The following PCSK2 variants were observed in gnomAD, a reference collection of about 807,000 sequenced individuals.
The protein encoded by PCSK2 is proprotein convertase subtilisin/kexin type 2.
In PCSK2, 14 loss-of-function variants were observed where a neutral mutation model predicts 69.7. That is an observed-to-expected ratio of 0.20 (90% CI 0.13 to 0.31). The LOEUF (loss-of-function observed/expected upper bound fraction) is 0.31. Among genes scored for constraint, PCSK2 ranks in the 10% least tolerant of loss-of-function variants. The probability of loss-of-function intolerance (pLI) is 1.00; values close to 1 mark genes in which losing one functional copy is unlikely to be tolerated. For missense variants in PCSK2, 544 were observed against 842.5 expected (o/e 0.65, Z 4.39); for synonymous variants, 307 against 320.7 (o/e 0.96, Z 0.46).
chr20:17,402,196 T>C (rs1231986855), intron 5 of PCSK2, among the ~76,000 whole-genome samples: 1 of 152,234 alleles, frequency 6.6e-6, no homozygotes, highest in Non-Finnish European at 1.5e-5. Context: ...AAATATCAAT[T>C]AAATAATATA....
At chr20:17,437,991 C>T (rs2032520427) in intron 8 of PCSK2, among the ~76,000 whole-genome samples, 1 of 147,486 alleles carries the variant, frequency 6.8e-6, no homozygotes, top group Non-Finnish European at 1.5e-5. Flanking sequence ...CAGTTCCCCC[C>T]CACCCACACC....
chr20:17,261,702 A>G (rs1401898162), intron 2 of PCSK2, among the ~76,000 whole-genome samples: 1 of 152,204 alleles, frequency 6.6e-6, no homozygotes, highest in Admixed American at 6.5e-5. Flanking sequence ...ACCCTTGGGC[A>G]GTCATATGGA....
intron 1 of PCSK2, among the ~76,000 whole-genome samples, chr20:17,245,782 T>A (rs1986749338): frequency 1.3e-5 from 2 of 152,206 alleles, no homozygotes; most frequent in Admixed American, 6.5e-5. Flanking sequence ...GCAATGTGCA[T>A]CACTCATTGG....
chr20:17,246,581 A>T (rs1201889918), intron 1 of PCSK2, among the ~76,000 whole-genome samples: 1 of 152,218 alleles, frequency 6.6e-6, no homozygotes, highest in South Asian at 2.1e-4. Flanking sequence ...ACAGTGGAAT[A>T]GTAAATGCAG....
intron 6 of PCSK2, among the ~76,000 whole-genome samples, chr20:17,413,243 G>T (rs1022175644): frequency 3.9e-5 from 6 of 152,186 alleles, no homozygotes; most frequent in African/African-American, 1.4e-4. Context: ...AGGCAAATTG[G>T]ATAAAGAGTC....
At chr20:17,268,754 G>A (rs1987739685) in intron 2 of PCSK2, among the ~76,000 whole-genome samples, 1 of 152,150 alleles carries the variant, frequency 6.6e-6, no homozygotes, top group Non-Finnish European at 1.5e-5. Flanking sequence ...AATAGACAAT[G>A]GGGTAGAGGT....
At chr20:17,372,533 A>G (rs540586254) in intron 5 of PCSK2, among the ~76,000 whole-genome samples, 18 of 152,320 alleles carry the variant, frequency 1.2e-4, no homozygotes, top group African/African-American at 4.3e-4. Flanking sequence ...TGAAGAGATG[A>G]CAATGTCTAT....
chr20:17,453,726 C>G lies in PCSK2; in HGVS notation c.886-16C>G. On this transcript the variant is annotated splice_polypyrimidine_tract_variant and intron_variant, in intron 8 of 11. Coordinates refer to ENST00000262545, the MANE Select transcript of PCSK2 (RefSeq NM_002594.5). This position sits in a 1 kb window ranked among gnomAD's most constrained non-coding sequence, Gnocchi z 4.0. ...CAGGCTGTGGGTAGCGGCAGCGTCT[C>G]CCCTGCTCTCCCCAGGGCCGCGGCG... 1 of 1,611,476 alleles carries G rather than the reference C, an allele frequency of 6.2e-7. No homozygotes were observed. The highest frequency in any genetic ancestry group is 8.5e-7 in the Non-Finnish European group (1 of 1,179,716).
At chr20:17,379,348 T>G (rs916723624) in intron 5 of PCSK2, among the ~76,000 whole-genome samples, 4 of 152,280 alleles carry the variant, frequency 2.6e-5, no homozygotes, top group African/African-American at 9.6e-5. Flanking sequence ...AATGTGGATC[T>G]GATGGAGACC....
At chr20:17,287,951 G>T (rs746787899) in intron 2 of PCSK2, among the ~76,000 whole-genome samples, 29 of 152,194 alleles carry the variant, frequency 1.9e-4, no homozygotes, top group Non-Finnish European at 4.0e-4. Context: ...TGAAAGAGCA[G>T]CCTGACTGGG....
intron 1 of PCSK2, among the ~76,000 whole-genome samples, chr20:17,242,081 A>G (rs1253636871): frequency 1.3e-5 from 2 of 152,240 alleles, no homozygotes; most frequent in African/African-American, 4.8e-5. Flanking sequence ...GAATCCCACT[A>G]TGGACAGTGA....
intron 2 of PCSK2, among the ~76,000 whole-genome samples, chr20:17,348,943 C>A (rs1482695858): frequency 6.6e-6 from 1 of 152,142 alleles, no homozygotes; most frequent in Non-Finnish European, 1.5e-5. Flanking sequence ...AGGCATGACC[C>A]GTGGCTCTGC....
intron 1 of PCSK2, among the ~76,000 whole-genome samples, chr20:17,233,244 G>A (rs1463499919): frequency 4.6e-5 from 7 of 152,152 alleles, no homozygotes; most frequent in African/African-American, 1.7e-4. Context: ...TCTGAAAATG[G>A]TTAATAAAAT....
chr20:17,312,353 T>C (rs1425464074), intron 2 of PCSK2, among the ~76,000 whole-genome samples: 3 of 152,174 alleles, frequency 2.0e-5, no homozygotes, highest in Non-Finnish European at 2.9e-5. Flanking sequence ...CACTCTTCTC[T>C]TTTGAGGGCC....
intron 6 of PCSK2, among the ~76,000 whole-genome samples, chr20:17,424,083 T>C (rs1018179282): frequency 6.6e-6 from 1 of 152,202 alleles, no homozygotes; most frequent in African/African-American, 2.4e-5. Context: ...TACATGGAAA[T>C]AATAAACAAG....
rs112191516 is a variant in PCSK2 at position 17,391,718 on chromosome 20, T to A, written c.544-17545T>A. Among the ~76,000 whole-genome samples, 1,389 of 152,030 alleles carry A rather than the reference T, an allele frequency of 9.1e-3. 15 individuals are homozygous for A. Among genetic ancestry groups the A allele is most frequent in the South Asian group, 0.036 (174 of 4,802 alleles). On this transcript the variant is annotated intron_variant, in intron 5 of 11. Transcript: ENST00000262545. ...CTCTACAAAAATAAAAATTTAAACA[T>A]TAGCTATGTATGGTGACATATGGGT...
chr20:17,248,159 T>C (rs1986836167), intron 1 of PCSK2, among the ~76,000 whole-genome samples: 1 of 145,586 alleles, frequency 6.9e-6, no homozygotes. Context: ...GAGAACAAAG[T>C]GATGATATAA....
intron 2 of PCSK2, among the ~76,000 whole-genome samples, chr20:17,335,473 G>C (rs1316204789): frequency 7.9e-6 from 1 of 126,032 alleles, no homozygotes; most frequent in Non-Finnish European, 1.7e-5. Flanking sequence ...TCCTTGTCTA[G>C]TTTTTATTTG....
chr20:17,457,493 C>T (rs35374184), intron 10 of PCSK2, among the ~76,000 whole-genome samples: 12,924 of 152,270 alleles, frequency 0.085, 679 homozygotes, highest in Non-Finnish European at 0.12. Flanking sequence ...GATAAGACCC[C>T]AAATTGAGAG....
Sources: allele counts gnomAD v4.1 joint callset (sites outside exome capture counted in the v4.1 genomes callset), GRCh38; gene constraint gnomAD v4.1.1; non-coding constraint Gnocchi (gnomAD v3.1); transcripts MANE v1.5; gene names NCBI Gene and HGNC (gene_info 2026-07-23, HGNC 2026-07-21).